The following ADH1B variants were observed in gnomAD, a reference collection of about 807,000 sequenced individuals.
The protein encoded by ADH1B is alcohol dehydrogenase 1B (class I), beta polypeptide.
Under a neutral mutation model 34.6 loss-of-function variants are expected in ADH1B, and 29 were observed. The ratio of observed to expected loss-of-function variants is 0.84; its 90% CI spans 0.62 to 1.14. The LOEUF (loss-of-function observed/expected upper bound fraction) is 1.14. Among genes scored for constraint, ADH1B ranks in the 50% most tolerant of loss-of-function variants. The probability of loss-of-function intolerance (pLI) is 0.00; values close to 1 mark genes in which losing one functional copy is unlikely to be tolerated. For synonymous variants in ADH1B, 170 were observed against 175.5 expected, an observed-to-expected ratio of 0.97 and a Z score of 0.25; for missense variants, 424 against 468.4, an observed-to-expected ratio of 0.91 and a Z score of 0.87.
Position 99,315,970 on chromosome 4 carries a change from C to G in ADH1B, c.495G>C (p.Ser165=). 1.2e-6 allele frequency: 2 copies of G among 1,614,140 alleles called. No homozygotes were observed. Among genetic ancestry groups the G allele is most frequent in the Non-Finnish European group, 1.7e-6 (2 of 1,180,036 alleles). ...CAATGAGGCAGACTTTCTCCAGGGG[C>G]GAGGCTGCATCAATTTTGGCCACTG... is the stretch of plus-strand genomic sequence containing the variant. ...ENAVAKIDAA[S]PLEKVCLIGC... Residue 165 remains serine, a synonymous_variant, in exon 5 of 9, where the codon TCG becomes TCC. Transcript: ENST00000305046.
intron 3 of ADH1B, 176 bp downstream of exon 3, chr4:99,317,870 G>T: frequency 1.0e-6 from 1 of 996,406 alleles, no homozygotes; most frequent in Non-Finnish European, 1.5e-6. Flanking sequence ...ATGAGTGCCT[G>T]AATGCATACA....
chr4:99,315,026 A>T (rs1234336103), intron 5 of ADH1B: 1 of 152,176 alleles, frequency 6.6e-6, no homozygotes, highest in East Asian at 1.9e-4. Flanking sequence ...GGGGGACAAC[A>T]CCATTTTCTA....
chr4:99,307,745 A>C lies in ADH1B; in HGVS notation c.*95T>G. The C allele has an allele frequency of 1.4e-6, 2 of 1,419,060 alleles. No individual in the cohort carries two copies. The highest frequency in any genetic ancestry group is 2.3e-5 in the South Asian group (2 of 85,210). The allele number at this position is 1,419,060 out of a possible 1,614,324, so 87.9% of individuals were successfully genotyped here. On this transcript the variant is annotated 3_prime_UTR_variant, in exon 9 of 9. Coordinates refer to ENST00000305046, the MANE Select transcript of ADH1B (RefSeq NM_000668.6). ...GTGTAATTTATTGATAACATCTCTG[A>C]AGAGCTGAATTAATGATATTTCCTA...
At position 99,307,863 on chromosome 4, in the gene ADH1B, T is replaced by A; in HGVS notation, c.1105A>T (p.Ile369Phe). The A allele has an allele frequency of 6.2e-7, 1 of 1,613,926 alleles. No individual in the cohort carries two copies. Among genetic ancestry groups the A allele is most frequent in the Non-Finnish European group, 8.5e-7 (1 of 1,179,870 alleles). Residue 369 changes from isoleucine (I) to phenylalanine (F), a missense_variant and splice_region_variant, in exon 9 of 9, where the codon ATC becomes TTC. Around this residue, in one of 3 missense-constraint regions of ADH1B, gnomAD observed 130 missense variants for 151.8 expected, o/e 0.86. Coordinates refer to ENST00000305046, the MANE Select transcript of ADH1B (RefSeq NM_000668.6). ...CCTCAAAACGTCAGGACGGTACGGA[T>A]ACTGCAATAGGAAAGAAGAGACATT... ...GFDLLHSGKS[I>F]RTVLTF
Position 99,313,435 on chromosome 4 carries a change from G to A in ADH1B, c.828+386C>T, listed in dbSNP as rs578132565. 7 of 198,954 alleles carry A rather than the reference G, an allele frequency of 3.5e-5. No homozygotes were observed. In the South Asian group the frequency reaches 8.9e-4, roughly 25 times the overall value. The allele number at this position is 198,954 out of a possible 1,614,324, so 12.3% of individuals were successfully genotyped here. On this transcript the variant is annotated intron_variant, in intron 6 of 8. Coordinates refer to ENST00000305046, the MANE Select transcript of ADH1B (RefSeq NM_000668.6). ...AAATCTGAAATTTATTAAGAACATA[G>A]GCAAAATTGTTAAACCATTTTTGTT...
chr4:99,320,051 A>G (rs1400683441), intron 1 of ADH1B: 1 of 152,160 alleles, frequency 6.6e-6, no homozygotes, highest in Admixed American at 6.5e-5. Flanking sequence ...TTCATTGATT[A>G]ATTTTTAATT....
chr4:99,314,284 A>T (rs1733825694), intron 5 of ADH1B: 1 of 802,134 alleles, frequency 1.2e-6, no homozygotes, highest in Non-Finnish European at 1.9e-6. Context: ...AAACTGATGC[A>T]TATTAGATTC....
chr4:99,315,463 C>G (rs1201244692), intron 5 of ADH1B: 2 of 242,700 alleles, frequency 8.2e-6, no homozygotes, highest in Non-Finnish European at 1.6e-5. Flanking sequence ...AGGTTTTGGA[C>G]TCTACTGTTG....
In ADH1B at chr4:99,307,854, C is replaced by A; in HGVS notation, c.1114G>T (p.Val372Phe). The A allele has an allele frequency of 6.2e-7, 1 of 1,613,858 alleles. No individual in the cohort carries two copies. The highest frequency in any genetic ancestry group is 8.5e-7 in the Non-Finnish European group (1 of 1,179,858). ...TCTCTATTGCCTCAAAACGTCAGGA[C>A]GGTACGGATACTGCAATAGGAAAGA... is the stretch of plus-strand genomic sequence containing the variant. ...LLHSGKSIRT[V>F]LTF Residue 372 changes from valine to phenylalanine, a missense_variant, in exon 9 of 9, where the codon GTC becomes TTC. By Grantham distance (50) the Val-to-Phe change is conservative. This residue lies in a region of ADH1B where 130 missense variants were observed against 151.8 expected (regional missense o/e 0.86). Coordinates refer to ENST00000305046, the MANE Select transcript of ADH1B (RefSeq NM_000668.6).
chr4:99,317,986 T>C (rs1376154299), intron 3 of ADH1B, 60 bp downstream of exon 3: 4 of 1,599,840 alleles, frequency 2.5e-6, no homozygotes, highest in African/African-American at 1.3e-5. Context: ...GGTTTCCTTA[T>C]CCAGGCTGGG....
rs745498370 is a variant in ADH1B, at chr4:99,318,116, A to C, written c.189T>G (p.Pro63=). 1 of 1,614,038 alleles carries C rather than the reference A, an allele frequency of 6.2e-7. No individual in the cohort carries two copies. The highest frequency in any genetic ancestry group is 2.2e-5 in the East Asian group (1 of 44,872). ...CGGCTGCCTCATGGCCTAAAATCAC[A>C]GGAAGGGGGGTCACCAGGTTGCCAC... ...VVSGNLVTPL[P]VILGHEAAGI... Residue 63 remains proline, a synonymous_variant, in exon 3 of 9, where the codon CCT becomes CCG. Coordinates refer to ENST00000305046, the MANE Select transcript of ADH1B (RefSeq NM_000668.6).
chr4:99,306,555 A>G lies in ADH1B; in HGVS notation c.*1285T>C, dbSNP rs979837029. The G allele has an allele frequency of 6.6e-6, 1 of 152,210 alleles. No homozygotes were observed. Among genetic ancestry groups the G allele is most frequent in the Admixed American group, 6.5e-5 (1 of 15,288 alleles). 9.4% of individuals were successfully genotyped at this position (152,210 alleles called of 1,614,324 possible). On this transcript the variant is annotated 3_prime_UTR_variant, in exon 9 of 9. Transcript: ENST00000305046. ...TAAGGTCTTTCATAATATGAAATAG[A>G]ATGTAGATATTGCAACAATAGCATT...
At chr4:99,320,683 AC>A (rs1734002559) in intron 1 of ADH1B, 1 of 510,644 alleles carries the variant, frequency 2.0e-6, no homozygotes, top group Admixed American at 5.4e-5. Context: ...AACCATATTA[AC>A]TTTTAAATGG....
rs1733613397 is a variant in ADH1B, at chr4:99,306,500, A to T, written c.*1340T>A. On this transcript the variant is annotated 3_prime_UTR_variant, in exon 9 of 9. Transcript: ENST00000305046. ...CTGAGAGACTTACTGAAGATCACAC[A>T]GTAAATGATAAACTATTTTACTTTA... 1 of 152,264 alleles carries T rather than the reference A, an allele frequency of 6.6e-6. No homozygotes were observed. Among genetic ancestry groups the T allele is most frequent in the Non-Finnish European group, 1.5e-5 (1 of 68,046 alleles). 9.4% of individuals were successfully genotyped at this position (152,264 alleles called of 1,614,324 possible). A position where few individuals can be genotyped will look rare whatever the true frequency, so the allele number is the denominator to read the frequency against.
At chr4:99,308,325 G>A (rs1204781071) in intron 8 of ADH1B, among the ~76,000 whole-genome samples, 1 of 149,874 alleles carries the variant, frequency 6.7e-6, no homozygotes, top group Non-Finnish European at 1.5e-5. Flanking sequence ...TAAAAACTGA[G>A]ACTTAGAAAG....
rs1235831360 is a variant in ADH1B at position 99,307,742 on chromosome 4, C to T, written c.*98G>A. The T allele has an allele frequency of 5.0e-6, 7 of 1,411,454 alleles. No individual in the cohort carries two copies. The highest frequency in any genetic ancestry group is 1.4e-5 in the African/African-American group (1 of 69,620). The allele number at this position is 1,411,454 out of a possible 1,614,324, so 87.4% of individuals were successfully genotyped here. A position where few individuals can be genotyped will look rare whatever the true frequency, so the allele number is the denominator to read the frequency against. ...CATGTGTAATTTATTGATAACATCT[C>T]TGAAGAGCTGAATTAATGATATTTC... On this transcript the variant is annotated 3_prime_UTR_variant, in exon 9 of 9. Transcript: ENST00000305046.
intron 8 of ADH1B, among the ~76,000 whole-genome samples, chr4:99,309,687 G>A (rs1216756696): frequency 3.9e-5 from 6 of 152,040 alleles, no homozygotes; most frequent in South Asian, 2.1e-4. Context: ...AAAGTGAATC[G>A]ATTTGCTAAA....
intron 1 of ADH1B, 25 bp downstream of exon 1, chr4:99,321,289 C>G: frequency 1.3e-6 from 2 of 1,580,952 alleles, no homozygotes; most frequent in Non-Finnish European, 1.7e-6. Flanking sequence ...AATATATTAC[C>G]AACAGTAATA....
rs963135976 is a variant in ADH1B at position 99,307,625 on chromosome 4, C to G, written c.*215G>C. ...AGGTTTGTTGGCTTCAATTCCCCAG[C>G]TGATGTTCAACACTTTATTTACTTC... On this transcript the variant is annotated 3_prime_UTR_variant, in exon 9 of 9. Transcript: ENST00000305046. 3 of 621,386 alleles carry G rather than the reference C, an allele frequency of 4.8e-6. No individual in the cohort carries two copies. The highest frequency in any genetic ancestry group is 4.0e-5 in the South Asian group (2 of 50,152). 38.5% of individuals were successfully genotyped at this position (621,386 alleles called of 1,614,324 possible).
Sources: gnomAD v4.1 joint callset for allele counts (sites outside exome capture counted in the v4.1 genomes callset) on GRCh38, gnomAD v4.1.1 for gene constraint, gnomAD v4.1.1 regional missense constraint, MANE v1.5 for transcripts, NCBI Gene and HGNC (gene_info 2026-07-23, HGNC 2026-07-21) for gene names.